The following RPTOR variants were observed in gnomAD, a reference collection of about 807,000 sequenced individuals.
RPTOR encodes regulatory associated protein of MTOR complex 1.
A neutral mutation model predicts 169.9 loss-of-function variants in RPTOR; 21 were observed. That is an observed-to-expected ratio of 0.12 (90% CI 0.09 to 0.18). RPTOR has a LOEUF of 0.18. Ranked by LOEUF, RPTOR falls within the 10% of genes least tolerant of loss-of-function variation. RPTOR has a pLI of 1.00. For missense variants in RPTOR, 1,133 were observed against 1,855.9 expected, an observed-to-expected ratio of 0.61 and a Z score of 7.16; for synonymous variants, 732 against 753.2, an observed-to-expected ratio of 0.97 and a Z score of 0.46.
chr17:80,853,850 A>G lies in RPTOR; in HGVS notation c.1315-1614A>G, dbSNP rs535533948. Among the ~76,000 whole-genome samples, 7 of 152,274 alleles carry G rather than the reference A, an allele frequency of 4.6e-5. No homozygotes were observed. In the East Asian group the frequency reaches 7.7e-4, roughly 17 times the overall value. On this transcript the variant is annotated intron_variant, in intron 11 of 33. Coordinates refer to ENST00000306801, the MANE Select transcript of RPTOR (RefSeq NM_020761.3). ...AAATAAATTAGCCGGTCATGGTGGC[A>G]GGCGCTTGTAGTCTTAACTACTCAG... is the stretch of plus-strand genomic sequence containing the variant.
At chr17:80,580,008 T>G (rs2065000981) in intron 1 of RPTOR, among the ~76,000 whole-genome samples, 1 of 152,188 alleles carries the variant, frequency 6.6e-6, no homozygotes, top group Admixed American at 6.6e-5. Flanking sequence ...AATAATTGAC[T>G]TACAACTACT....
chr17:80,957,604 G>T lies in RPTOR; in HGVS notation c.3371-20G>T, dbSNP rs369732901. On this transcript the variant is annotated intron_variant, in intron 28 of 33. Coordinates refer to ENST00000306801, the MANE Select transcript of RPTOR (RefSeq NM_020761.3). The surrounding 1 kb of genome is among the most constrained non-coding windows in gnomAD (Gnocchi z 4.6). ...GCAAGGGCCCATGGGGTGATGCCAT[G>T]TCCCACTGTATCTCTCCAGGAGCTG... 25 of 1,611,364 alleles carry T rather than the reference G, an allele frequency of 1.6e-5. No individual in the cohort carries two copies. In the African/African-American group the frequency reaches 2.9e-4, roughly 19 times the overall value.
At chr17:80,671,303 T>C (rs1598208981) in intron 3 of RPTOR, among the ~76,000 whole-genome samples, 1 of 152,146 alleles carries the variant, frequency 6.6e-6, no homozygotes, top group South Asian at 2.1e-4. Flanking sequence ...TAATCAAATT[T>C]ATGGGCGTGC....
In RPTOR at chr17:80,730,655, G is replaced by A. The variant is rs758295277; in HGVS notation, c.603G>A (p.Leu201=). Residue 201 remains leucine, a synonymous_variant, in exon 5 of 34, where the codon TTG becomes TTA. Coordinates refer to ENST00000306801, the MANE Select transcript of RPTOR (RefSeq NM_020761.3). The surrounding 1 kb of genome is among the most constrained non-coding windows in gnomAD (Gnocchi z 4.2). Reference sequence around the variant, plus strand: ...TCTACGACTGCTCCAATGCTGGCTTGATCGTCAAGTCCTTCAAGCAGTTCG... The same window carrying A: ...TCTACGACTGCTCCAATGCTGGCTTAATCGTCAAGTCCTTCAAGCAGTTCG... ...IFVYDCSNAG[L]IVKSFKQFAL... 1 of 1,609,370 alleles carries A rather than the reference G, an allele frequency of 6.2e-7. No individual in the cohort carries two copies. Among genetic ancestry groups the A allele is most frequent in the African/African-American group, 1.3e-5 (1 of 74,822 alleles).
intron 4 of RPTOR, among the ~76,000 whole-genome samples, chr17:80,727,420 T>C (rs971222898): frequency 2.7e-5 from 4 of 147,846 alleles, no homozygotes; most frequent in East Asian, 2.0e-4. Context: ...TCTGATCATG[T>C]CACGCTTCAA....
Position 80,940,627 on chromosome 17 carries a change from G to T in RPTOR, c.3025+26G>T, listed in dbSNP as rs375663604. 6 of 1,577,806 alleles carry T rather than the reference G, an allele frequency of 3.8e-6. No individual in the cohort carries two copies. In the African/African-American group the frequency reaches 6.7e-5, roughly 18 times the overall value. On this transcript the variant is annotated intron_variant, in intron 25 of 33. Coordinates refer to ENST00000306801, the MANE Select transcript of RPTOR (RefSeq NM_020761.3). ...GTAAGGGCACCCGCACAGCCAGCCAGGGGCTCATTCCGGGGGTGGGGCCTG... is the reference window on the plus strand; with the variant it reads ...GTAAGGGCACCCGCACAGCCAGCCATGGGCTCATTCCGGGGGTGGGGCCTG...
chr17:80,578,130 G>A (rs1406152153), intron 1 of RPTOR, among the ~76,000 whole-genome samples: 1 of 152,166 alleles, frequency 6.6e-6, no homozygotes, highest in African/African-American at 2.4e-5. Flanking sequence ...AGATAGTGAA[G>A]GGATGCAAAC....
chr17:80,681,589 C>T (rs927729247), intron 3 of RPTOR, among the ~76,000 whole-genome samples: 4 of 140,326 alleles, frequency 2.9e-5, no homozygotes, highest in Admixed American at 1.5e-4. Context: ...ATGAGGTGTA[C>T]GTCTCTTACA....
At chr17:80,689,821 CAT>C (rs1222890495) in intron 3 of RPTOR, among the ~76,000 whole-genome samples, 1 of 152,092 alleles carries the variant, frequency 6.6e-6, no homozygotes, top group African/African-American at 2.4e-5. Context: ...CAATAGAAAA[CAT>C]ATTTTTCTAG....
At chr17:80,927,106 T>C (rs1481994914) in intron 24 of RPTOR, among the ~76,000 whole-genome samples, 1 of 152,146 alleles carries the variant, frequency 6.6e-6, no homozygotes, top group African/African-American at 2.4e-5. Context: ...AATCCTGGAA[T>C]TGGATGCAGG....
In RPTOR at chr17:80,743,808, GC is replaced by G. The variant is rs1189453449; in HGVS notation, c.655-10201del. Among the ~76,000 whole-genome samples the G allele has an allele frequency of 9.8e-4, 129 of 131,752 alleles. 1 individual carries two copies. The highest frequency in any genetic ancestry group is 3.1e-3 in the African/African-American group (107 of 34,706). The allele number at this position is 131,752 out of a possible 152,430, so 86.4% of individuals were successfully genotyped here. ...AGCCCTGGCTACTAGCACAGCCCTG[GC>G]TACTAGCAGAGCCCTGGCTACTAGC... On this transcript the variant is annotated intron_variant, in intron 5 of 33. Coordinates refer to ENST00000306801, the MANE Select transcript of RPTOR (RefSeq NM_020761.3).
rs1474228282 is a variant in RPTOR at position 80,634,238 on chromosome 17, TGC to T, written c.265+8447_265+8448del. Among the ~76,000 whole-genome samples, 72 of 138,892 alleles carry T rather than the reference TGC, an allele frequency of 5.2e-4. 1 individual carries two copies. The highest frequency in any genetic ancestry group is 1.6e-3 in the African/African-American group (56 of 35,856). 91.1% of individuals were successfully genotyped at this position (138,892 alleles called of 152,430 possible). A position where few individuals can be genotyped will look rare whatever the true frequency, so the allele number is the denominator to read the frequency against. On this transcript the variant is annotated intron_variant, in intron 2 of 33. Transcript: ENST00000306801. ...ACTGTGTGCGTGTGTGTACTGTGTG[TGC>T]GTGCATACTGTATGCGTGCATACCG...
At chr17:80,952,249 C>T (rs1377687985) in intron 28 of RPTOR, among the ~76,000 whole-genome samples, 1 of 152,232 alleles carries the variant, frequency 6.6e-6, no homozygotes, top group East Asian at 1.9e-4. Flanking sequence ...GTTGGTTTCC[C>T]TCCGCGGTAT....
chr17:80,776,664 GC>G, intron 6 of RPTOR, among the ~76,000 whole-genome samples: 1 of 152,156 alleles, frequency 6.6e-6, no homozygotes, highest in African/African-American at 2.4e-5. Flanking sequence ...TAATTACACG[GC>G]CCCAAATCAC....
intron 7 of RPTOR, among the ~76,000 whole-genome samples, chr17:80,819,468 G>T (rs751004372): frequency 8.5e-5 from 13 of 152,180 alleles, no homozygotes; most frequent in Non-Finnish European, 1.8e-4. Context: ...TGGTTGTTGC[G>T]TGGTTTGTTT....
intron 5 of RPTOR, among the ~76,000 whole-genome samples, chr17:80,736,273 T>C (rs1205650848): frequency 6.6e-6 from 1 of 152,128 alleles, no homozygotes; most frequent in Non-Finnish European, 1.5e-5. Context: ...TCCGAGTAAC[T>C]CGTGTTTGTG....
At chr17:80,926,674 A>C (rs2068815358) in intron 24 of RPTOR, among the ~76,000 whole-genome samples, 1 of 152,260 alleles carries the variant, frequency 6.6e-6, no homozygotes, top group African/African-American at 2.4e-5. Flanking sequence ...CATTCCTTAA[A>C]AAGAAAAAAT....
chr17:80,794,084 T>C (rs1406536162), intron 7 of RPTOR, among the ~76,000 whole-genome samples: 1 of 152,110 alleles, frequency 6.6e-6, no homozygotes, highest in African/African-American at 2.4e-5. Context: ...AGAAAAAAAA[T>C]TGGTAAATTG....
intron 3 of RPTOR, among the ~76,000 whole-genome samples, chr17:80,657,729 T>C (rs550519828): frequency 3.9e-5 from 6 of 152,306 alleles, no homozygotes; most frequent in Admixed American, 2.6e-4. Flanking sequence ...GGGGCATTTA[T>C]TTACTGGATA....
Sources: allele counts gnomAD v4.1 joint callset (sites outside exome capture counted in the v4.1 genomes callset), GRCh38; gene constraint gnomAD v4.1.1; non-coding constraint Gnocchi (gnomAD v3.1); transcripts MANE v1.5; gene names NCBI Gene and HGNC (gene_info 2026-07-23, HGNC 2026-07-21).